PSME4: variants seen among roughly 807,000 people sequenced by gnomAD.
PSME4 encodes the protein proteasome activator subunit 4.
Under a neutral mutation model 253.9 loss-of-function variants are expected in PSME4, and 89 were observed. That is an observed-to-expected ratio of 0.35 (90% CI 0.30 to 0.42). The LOEUF is 0.42. Among genes scored for constraint, PSME4 ranks in the 10% least tolerant of loss-of-function variants. PSME4 has a pLI of 1.00. For synonymous variants in PSME4, 851 were observed against 759.2 expected, an observed-to-expected ratio of 1.12 and a Z score of -1.99; for missense variants, 2,014 against 2,195.2, an observed-to-expected ratio of 0.92 and a Z score of 1.65.
At chr2:53,920,102 A>G in intron 19 of PSME4, 91 bp downstream of exon 19, 1 of 1,152,208 alleles carries the variant, frequency 8.7e-7, no homozygotes, top group East Asian at 2.4e-5. Context: ...AACACAATTG[A>G]AAATTAATAC....
At chr2:53,895,210 C>T (rs1680088597) in intron 33 of PSME4, 134 bp from the exon 34 acceptor site, 1 of 672,018 alleles carries the variant, frequency 1.5e-6, no homozygotes, top group Non-Finnish European at 2.5e-6. Flanking sequence ...ACAGCAGTAA[C>T]AGTCTAGGCC....
At chr2:53,942,382 A>C (rs1028234922) in intron 3 of PSME4, among the ~76,000 whole-genome samples, 1 of 151,844 alleles carries the variant, frequency 6.6e-6, no homozygotes, top group Admixed American at 6.6e-5. Flanking sequence ...TTTTTTTAAA[A>C]TCAAAAGGGA....
intron 26 of PSME4, among the ~76,000 whole-genome samples, chr2:53,905,516 T>C (rs1461796283): frequency 6.6e-6 from 1 of 151,918 alleles, no homozygotes; most frequent in Non-Finnish European, 1.5e-5. Context: ...GCCTGGGCAA[T>C]ACAACGAGAC....
chr2:53,922,254 A>C (rs578184771), intron 17 of PSME4, among the ~76,000 whole-genome samples: 110 of 152,326 alleles, frequency 7.2e-4, no homozygotes, highest in Middle Eastern at 3.4e-3. Context: ...AAATTCCCAA[A>C]TCTGATCAAC....
Position 53,970,652 on chromosome 2 carries a change from C to T in PSME4, c.133G>A (p.Asp45Asn). Residue 45 changes from aspartate (D) to asparagine (N), a missense_variant, in exon 1 of 47, where the codon GAC becomes AAC. Asp to Asn is a conservative substitution (Grantham distance 23). Coordinates refer to ENST00000404125, the MANE Select transcript of PSME4 (RefSeq NM_014614.3). Reference protein sequence around the residue: ...NKLLPYAERLDAESDLQLAQI... With the variant: ...NKLLPYAERLNAESDLQLAQI... The stretch of plus-strand genomic sequence containing the variant: ...GCCAGCTGCAAGTCGGACTCGGCGT[C>T]TAGCCGCTCCGCGTAGGGCAGCAGC... 6.5e-7 allele frequency: 1 copy of T among 1,550,234 alleles called. No individual in the cohort carries two copies. Among genetic ancestry groups the T allele is most frequent in the Non-Finnish European group, 8.7e-7 (1 of 1,146,938 alleles).
chr2:53,865,627 A>T (rs1294296800), intron 46 of PSME4, 54 bp from the exon 47 acceptor site: 1 of 153,076 alleles, frequency 6.5e-6, no homozygotes, highest in African/African-American at 2.4e-5. Context: ...CAACTCTAAA[A>T]GCCTAATAAA....
At chr2:53,930,882 T>C (rs1668798751) in intron 10 of PSME4, among the ~76,000 whole-genome samples, 1 of 152,158 alleles carries the variant, frequency 6.6e-6, no homozygotes, top group South Asian at 2.1e-4. Flanking sequence ...GACAAAAACA[T>C]TTAGAAAGAG....
intron 44 of PSME4, among the ~76,000 whole-genome samples, chr2:53,868,509 A>ATATTTATAATATATATAATATATATTAT (rs1490900495): frequency 2.5e-4 from 13 of 51,154 alleles, no homozygotes; most frequent in Non-Finnish European, 4.3e-4. Context: ...TATATATTAT[A>ATATTTATAATATATATAATATATATTAT]AAATATATTT....
chr2:53,937,795 C>T (rs536522911), intron 4 of PSME4, among the ~76,000 whole-genome samples: 47 of 152,154 alleles, frequency 3.1e-4, no homozygotes, highest in Admixed American at 6.5e-4. Flanking sequence ...CCCAGGAGTT[C>T]AAGATTGGCT....
intron 4 of PSME4, among the ~76,000 whole-genome samples, chr2:53,938,447 T>C (rs2104465980): frequency 6.6e-6 from 1 of 150,486 alleles, no homozygotes; most frequent in South Asian, 2.1e-4. Flanking sequence ...AGGATACATG[T>C]AAAACTGCTA....
chr2:53,874,231 G>A, intron 43 of PSME4, 108 bp downstream of exon 43: 1 of 1,132,774 alleles, frequency 8.8e-7, no homozygotes, highest in Non-Finnish European at 1.3e-6. Flanking sequence ...AAGAGTTGAG[G>A]TTATAAATAT....
intron 8 of PSME4, among the ~76,000 whole-genome samples, chr2:53,933,403 A>AAAAAC (rs1558697904): frequency 7.2e-6 from 1 of 139,064 alleles, no homozygotes; most frequent in African/African-American, 2.6e-5. Context: ...AAAAAAAAAA[A>AAAAAC]GCGTTTCCCT....
At chr2:53,959,144 C>A (rs2104485891) in intron 1 of PSME4, among the ~76,000 whole-genome samples, 1 of 152,244 alleles carries the variant, frequency 6.6e-6, no homozygotes, top group Admixed American at 6.5e-5. Context: ...TGGCAAAACC[C>A]TATCTTGACT....
At chr2:53,968,199 C>T (rs574094103) in intron 1 of PSME4, among the ~76,000 whole-genome samples, 13 of 150,182 alleles carry the variant, frequency 8.7e-5, no homozygotes, top group African/African-American at 2.4e-4. Flanking sequence ...CGCTTGAACC[C>T]GAAAGGCAGG....
At position 53,895,678 on chromosome 2, in the gene PSME4, C is replaced by A; in HGVS notation, c.3747G>T (p.Leu1249Phe). The A allele has an allele frequency of 1.9e-6, 3 of 1,613,378 alleles. No individual in the cohort carries two copies. Among genetic ancestry groups the A allele is most frequent in the Non-Finnish European group, 1.7e-6 (2 of 1,179,694 alleles). ...TTGGTATAGTTTTGCTGTCATAATG[C>A]AACCAATGATTATCAGGCCTATCAC... ...IAGDRPDNHWLHYDSKTIPRT... is the reference protein window; with the variant it reads ...IAGDRPDNHWFHYDSKTIPRT... Residue 1249 changes from leucine (L) to phenylalanine (F), a missense_variant, in exon 33 of 47, where the codon TTG becomes TTT. Around this residue, in one of 4 missense-constraint regions of PSME4, gnomAD observed 989 missense variants for 1,021.1 expected, o/e 0.97. Coordinates refer to ENST00000404125, the MANE Select transcript of PSME4 (RefSeq NM_014614.3).
At chr2:53,882,515 T>G (rs1473704982) in intron 41 of PSME4, among the ~76,000 whole-genome samples, 1 of 152,100 alleles carries the variant, frequency 6.6e-6, no homozygotes, top group African/African-American at 2.4e-5. Flanking sequence ...AGGAGATGGG[T>G]GGTATCATTA....
At chr2:53,891,927 A>G (rs1355731599) in intron 36 of PSME4, among the ~76,000 whole-genome samples, 1 of 151,884 alleles carries the variant, frequency 6.6e-6, no homozygotes, top group Non-Finnish European at 1.5e-5. Context: ...ACGGAAGGAC[A>G]GATGGAAGGA....
intron 18 of PSME4, 81 bp downstream of exon 18, chr2:53,920,808 T>A (rs908036197): frequency 8.5e-7 from 1 of 1,179,942 alleles, no homozygotes; most frequent in Non-Finnish European, 1.2e-6. Context: ...AACTAACATA[T>A]GCAAGAAAAA....
chr2:53,931,514 C>G (rs886123587), intron 10 of PSME4, among the ~76,000 whole-genome samples: 6 of 152,160 alleles, frequency 3.9e-5, no homozygotes, highest in African/African-American at 1.4e-4. Context: ...CTTTCACTGC[C>G]ATATTCTCAA....
Sources: gnomAD v4.1 joint callset for allele counts (sites outside exome capture counted in the v4.1 genomes callset) on GRCh38, gnomAD v4.1.1 for gene constraint, gnomAD v4.1.1 regional missense constraint, MANE v1.5 for transcripts, NCBI Gene and HGNC (gene_info 2026-07-23, HGNC 2026-07-21) for gene names.